WNT9A: variants seen among roughly 807,000 people sequenced by gnomAD.
WNT9A encodes protein Wnt-9a.
WNT9A carries 8 observed loss-of-function variants against 31.4 expected under a neutral mutation model. That is an observed-to-expected ratio of 0.26 (90% CI 0.15 to 0.46). The LOEUF is 0.46. Ranked by LOEUF, WNT9A falls within the 20% of genes least tolerant of loss-of-function variation. The pLI is 0.99. For synonymous variants in WNT9A, 236 were observed against 220.1 expected (o/e 1.07, Z -0.64); for missense variants, 457 against 522.9 (o/e 0.87, Z 1.23).
chr1:227,922,047 T>C (rs1296055064), intron 3 of WNT9A, 47 bp from the exon 4 acceptor site: 1 of 1,555,168 alleles, frequency 6.4e-7, no homozygotes, highest in East Asian at 2.3e-5. Flanking sequence ...GCTGTGCAGG[T>C]GGGCCCAGTG....
chr1:227,924,320 G>T lies in WNT9A; in HGVS notation c.433C>A (p.Arg145Ser). The T allele has an allele frequency of 6.2e-7, 1 of 1,613,670 alleles. No individual in the cohort carries two copies. The highest frequency in any genetic ancestry group is 8.5e-7 in the Non-Finnish European group (1 of 1,179,986). The stretch of plus-strand genomic sequence containing the variant: ...TCATCGCAGGTACAGCGCTCCATGC[G>T]GCCCGCGCTGCACGCCTTGGCCAGT... ...HALAKACSAG[R>S]MERCTCDEAP... is the part of the protein sequence containing the mutation. The change falls in exon 3 of 4, where the codon CGC becomes AGC. Residue 145 changes from arginine to serine, a missense_variant. Physicochemically the swap from Arg to Ser is moderately radical, Grantham distance 110. Coordinates refer to ENST00000272164, the MANE Select transcript of WNT9A (RefSeq NM_003395.4).
At chr1:227,931,511 T>C (rs1666510078) in intron 1 of WNT9A, among the ~76,000 whole-genome samples, 2 of 152,142 alleles carry the variant, frequency 1.3e-5, no homozygotes, top group Admixed American at 1.3e-4. Context: ...ATCCAGTTTC[T>C]TTTTTCTTTT....
chr1:227,946,320 G>C (rs140505716), intron 1 of WNT9A, among the ~76,000 whole-genome samples: 13 of 152,336 alleles, frequency 8.5e-5, no homozygotes, highest in Non-Finnish European at 1.8e-4. Context: ...TCACAGCAGG[G>C]ACAAAGCCGC....
intron 1 of WNT9A, among the ~76,000 whole-genome samples, chr1:227,927,663 C>G (rs1170840876): frequency 6.6e-6 from 1 of 152,126 alleles, no homozygotes; most frequent in African/African-American, 2.4e-5. Flanking sequence ...ACAAGGGCAG[C>G]TTGCAGGTGG....
rs1200801432 is a variant in WNT9A at position 227,926,361 on chromosome 1, C to G, written c.96-842G>C. 1.3e-5 allele frequency among the ~76,000 whole-genome samples: 2 copies of G among 152,116 alleles called. No homozygotes were observed. The highest frequency in any genetic ancestry group is 1.3e-4 in the Admixed American group (2 of 15,284). On this transcript the variant is annotated intron_variant, in intron 1 of 3. Transcript: ENST00000272164. The surrounding 1 kb of genome is among the most constrained non-coding windows in gnomAD (Gnocchi z 5.0). ...TCCACCCCACTGGGTGCCCCCTCCC[C>G]CCAGCTGGCTGCTGGCTCACCTGCT...
At chr1:227,940,687 G>A (rs1666687696) in intron 1 of WNT9A, among the ~76,000 whole-genome samples, 1 of 152,206 alleles carries the variant, frequency 6.6e-6, no homozygotes, top group Non-Finnish European at 1.5e-5. Context: ...CTGACCTCAG[G>A]TATCGCTAAA....
chr1:227,943,910 G>A (rs1666753350), intron 1 of WNT9A, among the ~76,000 whole-genome samples: 1 of 152,172 alleles, frequency 6.6e-6, no homozygotes, highest in African/African-American at 2.4e-5. Context: ...GAGCCTCTGA[G>A]GTGGAGGCAG....
intron 1 of WNT9A, among the ~76,000 whole-genome samples, chr1:227,927,761 C>T (rs988778842): frequency 3.3e-5 from 5 of 152,112 alleles, no homozygotes; most frequent in African/African-American, 1.2e-4. Flanking sequence ...CTCCCCAGGC[C>T]TGGACCCGCC....
intron 1 of WNT9A, among the ~76,000 whole-genome samples, chr1:227,939,127 C>T (rs1015638638): frequency 1.3e-5 from 2 of 152,252 alleles, no homozygotes; most frequent in Non-Finnish European, 2.9e-5. Context: ...AGAAGGAAGA[C>T]GTCTCAACAC....
At position 227,925,338 on chromosome 1, in the gene WNT9A, A is replaced by G. The variant is rs762552032; in HGVS notation, c.277T>C (p.Cys93Arg). Reference sequence around the variant, plus strand: ...CGCTCAAAGCGGAACTGGAACTGGCACTCGAGCGCACTCATGCTCACGGCC... The same window carrying G: ...CGCTCAAAGCGGAACTGGAACTGGCGCTCGAGCGCACTCATGCTCACGGCC... ...VEAVSMSALE[C>R]QFQFRFERWN... Residue 93 changes from cysteine (C) to arginine (R), a missense_variant, in exon 2 of 4, where the codon TGC becomes CGC. Cys to Arg is a radical substitution (Grantham distance 180, BLOSUM62 -3). Coordinates refer to ENST00000272164, the MANE Select transcript of WNT9A (RefSeq NM_003395.4). This position sits in a 1 kb window ranked among gnomAD's most constrained non-coding sequence, Gnocchi z 6.0. The G allele has an allele frequency of 4.3e-6, 7 of 1,610,480 alleles. No homozygotes were observed. Among genetic ancestry groups the G allele is most frequent in the Non-Finnish European group, 5.9e-6 (7 of 1,179,166 alleles).
At chr1:227,947,251 T>A (rs1666809625) in intron 1 of WNT9A, among the ~76,000 whole-genome samples, 1 of 151,588 alleles carries the variant, frequency 6.6e-6, no homozygotes, top group Non-Finnish European at 1.5e-5. Flanking sequence ...GGCCACAGAG[T>A]CAGAAGCAAA....
intron 1 of WNT9A, among the ~76,000 whole-genome samples, chr1:227,937,595 G>A (rs1438608225): frequency 2.0e-5 from 3 of 152,238 alleles, no homozygotes; most frequent in African/African-American, 4.8e-5. Flanking sequence ...AGAGGCGGAC[G>A]AGAGGGCCAC....
At chr1:227,937,097 C>A (rs933739026) in intron 1 of WNT9A, among the ~76,000 whole-genome samples, 1 of 152,242 alleles carries the variant, frequency 6.6e-6, no homozygotes, top group Non-Finnish European at 1.5e-5. Flanking sequence ...TGTTTCTAAT[C>A]TGCTTTTAAA....
rs1225444803 is a variant in WNT9A, at chr1:227,925,765, G to A, written c.96-246C>T. Among the ~76,000 whole-genome samples the A allele has an allele frequency of 1.3e-5, 2 of 151,930 alleles. No individual in the cohort carries two copies. The highest frequency in any genetic ancestry group is 6.5e-5 in the Admixed American group (1 of 15,276). ...ACAGGGCTGTCTCTGCTGCCGACTC[G>A]ACCCCCACAGTTTCAGGGAGTCTAG... is the stretch of plus-strand genomic sequence containing the variant. On this transcript the variant is annotated intron_variant, in intron 1 of 3. Transcript: ENST00000272164. The surrounding 1 kb of genome is among the most constrained non-coding windows in gnomAD (Gnocchi z 6.0).
chr1:227,931,610 G>GA (rs1666511443), intron 1 of WNT9A, among the ~76,000 whole-genome samples: 1 of 152,262 alleles, frequency 6.6e-6, no homozygotes, highest in South Asian at 2.1e-4. Context: ...GAAAAGGTCA[G>GA]AAAAAAGCAA....
intron 1 of WNT9A, among the ~76,000 whole-genome samples, chr1:227,941,102 A>C (rs1039899710): frequency 6.6e-6 from 1 of 152,242 alleles, no homozygotes; most frequent in Non-Finnish European, 1.5e-5. Flanking sequence ...CCTGGCAGCC[A>C]GGTCTGCACT....
rs137979727 is a variant in WNT9A, at chr1:227,928,575, A to C, written c.96-3056T>G. 1.3e-5 allele frequency among the ~76,000 whole-genome samples: 2 copies of C among 152,286 alleles called. No homozygotes were observed. The highest frequency in any genetic ancestry group is 2.9e-5 in the Non-Finnish European group (2 of 68,010). ...TCAGGGTGGGCTCCACATGCAGCCA[A>C]CTGAAGGGACTCACAGCCTCAGGGG... On this transcript the variant is annotated intron_variant, in intron 1 of 3. Transcript: ENST00000272164. This position sits in a 1 kb window ranked among gnomAD's most constrained non-coding sequence, Gnocchi z 4.5.
chr1:227,925,227 T>C lies in WNT9A; in HGVS notation c.352+36A>G. The C allele has an allele frequency of 2.0e-6, 3 of 1,504,096 alleles. No homozygotes were observed. Among genetic ancestry groups the C allele is most frequent in the Non-Finnish European group, 2.7e-6 (3 of 1,123,608 alleles). The allele number at this position is 1,504,096 out of a possible 1,614,324, so 93.2% of individuals were successfully genotyped here. ...GACAAGGCCTGGGCTGCCACCTGTCTGGGGCCTTCCTGAGGGCCAGGCCGG... is the reference window on the plus strand; with the variant it reads ...GACAAGGCCTGGGCTGCCACCTGTCCGGGGCCTTCCTGAGGGCCAGGCCGG... On this transcript the variant is annotated intron_variant, in intron 2 of 3. Coordinates refer to ENST00000272164, the MANE Select transcript of WNT9A (RefSeq NM_003395.4). The surrounding 1 kb of genome is among the most constrained non-coding windows in gnomAD (Gnocchi z 6.0).
rs549228757 is a variant in WNT9A at position 227,934,178 on chromosome 1, T to TAAAAC, written c.96-8660_96-8659insGTTTT. The stretch of plus-strand genomic sequence containing the variant: ...TCACACATGTGTTTGTGTGGACATA[T>TAAAAC]GTTTTCACTTCTCTTGGGTATACAC... On this transcript the variant is annotated intron_variant, in intron 1 of 3. Coordinates refer to ENST00000272164, the MANE Select transcript of WNT9A (RefSeq NM_003395.4). Among the ~76,000 whole-genome samples, 689 of 152,352 alleles carry TAAAAC rather than the reference T, an allele frequency of 4.5e-3. 2 individuals carry two copies. The highest frequency in any genetic ancestry group is 0.016 in the African/African-American group (672 of 41,580).
Sources: allele counts gnomAD v4.1 joint callset (sites outside exome capture counted in the v4.1 genomes callset), GRCh38; gene constraint gnomAD v4.1.1; non-coding constraint Gnocchi (gnomAD v3.1); transcripts MANE v1.5; gene names NCBI Gene and HGNC (gene_info 2026-07-23, HGNC 2026-07-21).